Variants in ARHGAP24 observed in about 807,000 individuals in gnomAD.
ARHGAP24 encodes Rho GTPase activating protein 24.
Under a neutral mutation model 76.4 loss-of-function variants are expected in ARHGAP24, and 50 were observed. The ratio of observed to expected loss-of-function variants is 0.65; its 90% confidence interval spans 0.52 to 0.83. ARHGAP24 has a LOEUF of 0.83. Among genes scored for constraint, ARHGAP24 ranks in the 40% least tolerant of loss-of-function variants. The pLI is 0.00. For synonymous variants in ARHGAP24, 345 were observed against 323.3 expected, an observed-to-expected ratio of 1.07 and a Z score of -0.72; for missense variants, 930 against 914.2, an observed-to-expected ratio of 1.02 and a Z score of -0.22.
At chr4:85,749,534 C>A (rs1726178181) in intron 3 of ARHGAP24, among the ~76,000 whole-genome samples, 1 of 152,176 alleles carries the variant, frequency 6.6e-6, no homozygotes, top group African/African-American at 2.4e-5. Context: ...TTGAAAACTA[C>A]AACCCCCACA....
At chr4:85,618,627 C>T (rs537505674) in intron 2 of ARHGAP24, among the ~76,000 whole-genome samples, 1 of 152,178 alleles carries the variant, frequency 6.6e-6, no homozygotes, top group African/African-American at 2.4e-5. Flanking sequence ...TCTTCACATC[C>T]TCACCAACAC....
chr4:85,962,329 A>C (rs986510997), intron 5 of ARHGAP24, among the ~76,000 whole-genome samples: 5 of 152,094 alleles, frequency 3.3e-5, no homozygotes, highest in Admixed American at 3.3e-4. Flanking sequence ...CTCATTATCT[A>C]TAGAATCTAA....
intron 3 of ARHGAP24, among the ~76,000 whole-genome samples, chr4:85,786,536 C>A (rs1176476953): frequency 6.6e-6 from 1 of 152,192 alleles, no homozygotes; most frequent in South Asian, 2.1e-4. Context: ...GCTCCCAATG[C>A]TCCACAGTAT....
Position 85,475,579 on chromosome 4 carries a change from G to A in ARHGAP24, c.-21+20G>A, listed in dbSNP as rs1722545482. The A allele has an allele frequency of 6.6e-6, 1 of 151,496 alleles. No individual in the cohort carries two copies. Among genetic ancestry groups the A allele is most frequent in the Admixed American group, 6.6e-5 (1 of 15,184 alleles). 9.4% of individuals were successfully genotyped at this position (151,496 alleles called of 1,614,324 possible). ...AGCAAGGTAGGTGATGCGGTCGCGA[G>A]GAAGTGCGCGGAGCTACCGCGGGAA... On this transcript the variant is annotated intron_variant, in intron 1 of 9. Transcript: ENST00000395184.
intron 3 of ARHGAP24, among the ~76,000 whole-genome samples, chr4:85,740,228 T>C (rs1038706696): frequency 6.6e-6 from 1 of 151,618 alleles, no homozygotes; most frequent in Non-Finnish European, 1.5e-5. Flanking sequence ...GTTGGGGTTT[T>C]TTTTTTTTTT....
At chr4:85,709,440 C>A (rs1320065663) in intron 2 of ARHGAP24, among the ~76,000 whole-genome samples, 1 of 151,948 alleles carries the variant, frequency 6.6e-6, no homozygotes, top group Non-Finnish European at 1.5e-5. Flanking sequence ...CAAAACAATT[C>A]TTAGTAAATT....
At chr4:85,912,781 A>T (rs532488366) in intron 3 of ARHGAP24, among the ~76,000 whole-genome samples, 3 of 152,312 alleles carry the variant, frequency 2.0e-5, no homozygotes, top group Middle Eastern at 3.4e-3. Context: ...TTTGAAAATG[A>T]TTTATGAGTT....
At chr4:85,588,316 T>C (rs1000675242) in intron 2 of ARHGAP24, among the ~76,000 whole-genome samples, 2 of 152,234 alleles carry the variant, frequency 1.3e-5, no homozygotes, top group South Asian at 4.1e-4. Flanking sequence ...TTTAATGTAA[T>C]AGTTTTCATT....
intron 3 of ARHGAP24, among the ~76,000 whole-genome samples, chr4:85,878,833 C>G (rs895708549): frequency 2.0e-5 from 3 of 152,136 alleles, no homozygotes; most frequent in African/African-American, 7.2e-5. Context: ...TAACATTTAT[C>G]TTACATTATG....
At chr4:85,995,702 G>T in intron 9 of ARHGAP24, 45 bp downstream of exon 9, 1 of 1,566,402 alleles carries the variant, frequency 6.4e-7, no homozygotes, top group African/African-American at 1.4e-5. Context: ...GGGCTCAGTA[G>T]CCTCCTACTG....
chr4:85,643,412 C>A (rs1485708902), intron 2 of ARHGAP24, among the ~76,000 whole-genome samples: 3 of 120,938 alleles, frequency 2.5e-5, no homozygotes, highest in Non-Finnish European at 5.2e-5. Flanking sequence ...GCGCCCGCCA[C>A]CGCGCCCGGC....
chr4:85,717,471 C>T lies in ARHGAP24; in HGVS notation c.181-4414C>T, dbSNP rs146330892. 5.0e-3 allele frequency among the ~76,000 whole-genome samples: 764 copies of T among 152,206 alleles called. 5 individuals carry two copies. The highest frequency in any genetic ancestry group is 0.017 in the African/African-American group (724 of 41,546). ...AACCTACCCTGGCTCTCAGCTGCTA[C>T]AGATACCAAGTGTAACATCCTCTGC... On this transcript the variant is annotated intron_variant, in intron 2 of 9. Transcript: ENST00000395184.
intron 3 of ARHGAP24, among the ~76,000 whole-genome samples, chr4:85,850,283 T>C (rs1232472673): frequency 6.6e-6 from 1 of 152,188 alleles, no homozygotes; most frequent in Admixed American, 6.5e-5. Flanking sequence ...TTCTGTGGGA[T>C]CGCTGGTGAT....
intron 1 of ARHGAP24, among the ~76,000 whole-genome samples, chr4:85,566,982 T>C (rs548384756): frequency 1.1e-4 from 16 of 152,110 alleles, no homozygotes; most frequent in African/African-American, 3.9e-4. Flanking sequence ...TTTCCAGAAC[T>C]GAAAGGAGAC....
In ARHGAP24 at chr4:85,604,405, T is replaced by A. The variant is rs184488036; in HGVS notation, c.180+33684T>A. 2.1e-3 allele frequency: 320 copies of A among 152,334 alleles called. 1 individual carries two copies. Among genetic ancestry groups the A allele is most frequent in the African/African-American group, 7.5e-3 (312 of 41,578 alleles). The allele number at this position is 152,334 out of a possible 1,614,324, so 9.4% of individuals were successfully genotyped here. ...TCCCTTTATTTAATAGTAAGTAAAC[T>A]TGAAATTACATGATTGAAATTAACT... On this transcript the variant is annotated intron_variant, in intron 2 of 9. Coordinates refer to ENST00000395184, the MANE Select transcript of ARHGAP24 (RefSeq NM_001025616.3).
chr4:85,804,222 G>T (rs1728698151), intron 3 of ARHGAP24, among the ~76,000 whole-genome samples: 1 of 152,086 alleles, frequency 6.6e-6, no homozygotes, highest in Non-Finnish European at 1.5e-5. Flanking sequence ...GCAGTATAAT[G>T]AACATTGTGA....
chr4:85,987,653 A>G (rs533497782), intron 8 of ARHGAP24, among the ~76,000 whole-genome samples: 6 of 152,192 alleles, frequency 3.9e-5, no homozygotes, highest in African/African-American at 9.6e-5. Flanking sequence ...AAGGATGAAA[A>G]TTATCACTTA....
intron 1 of ARHGAP24, among the ~76,000 whole-genome samples, chr4:85,514,131 G>A (rs928309475): frequency 6.6e-6 from 1 of 152,018 alleles, no homozygotes; most frequent in African/African-American, 2.4e-5. Flanking sequence ...GTGTAGCCTG[G>A]GAGCTACAGC....
intron 3 of ARHGAP24, among the ~76,000 whole-genome samples, chr4:85,914,306 T>G (rs1735248437): frequency 1.3e-5 from 2 of 152,166 alleles, no homozygotes; most frequent in Admixed American, 1.3e-4. Context: ...GCGAATTATC[T>G]TATAAGAGTA....
Sources: gnomAD v4.1 joint callset for allele counts (sites outside exome capture counted in the v4.1 genomes callset) on GRCh38, gnomAD v4.1.1 for gene constraint, MANE v1.5 for transcripts, NCBI Gene and HGNC (gene_info 2026-07-23, HGNC 2026-07-21) for gene names.